CLEC12A: variants seen among roughly 807,000 people sequenced by gnomAD.
The protein encoded by CLEC12A is C-type lectin domain family 12 member A, also known as C-type lectin protein CLL-1.
Under a neutral mutation model 26.5 loss-of-function variants are expected in CLEC12A, and 22 were observed. The ratio of observed to expected loss-of-function variants is 0.83; its 90% CI spans 0.59 to 1.19. The LOEUF (loss-of-function observed/expected upper bound fraction) is 1.19. Among genes scored for constraint, CLEC12A ranks in the 50% most tolerant of loss-of-function variants. CLEC12A has a pLI of 0.00. For missense variants in CLEC12A, 353 were observed against 315.6 expected, an observed-to-expected ratio of 1.12 and a Z score of -0.90; for synonymous variants, 119 against 101.9, an observed-to-expected ratio of 1.17 and a Z score of -1.01.
the CLEC12A span, among the ~76,000 whole-genome samples, chr12:10,003,157 C>T: frequency 6.6e-6 from 1 of 152,190 alleles, no homozygotes. Flanking sequence ...TTGCCTTTGA[C>T]TTACCAGGCT....
chr12:9,959,280 A>G (rs139114678), intron 1 of CLEC12A, among the ~76,000 whole-genome samples: 1,925 of 151,738 alleles, frequency 0.013, 43 homozygotes, highest in African/African-American at 0.039. Context: ...ATGAAACCCC[A>G]TGTCTACTAA....
chr12:9,961,532 C>T (rs1863829062), intron 1 of CLEC12A, among the ~76,000 whole-genome samples: 1 of 151,980 alleles, frequency 6.6e-6, no homozygotes, highest in Non-Finnish European at 1.5e-5. Flanking sequence ...TGAAAGAAAC[C>T]TACAAAAAGA....
At chr12:9,997,584 G>T (rs1285046019), downstream of CLEC12A, among the ~76,000 whole-genome samples, 3 of 152,180 alleles carry the variant, frequency 2.0e-5, no homozygotes, top group Admixed American at 2.0e-4. Flanking sequence ...CTTCTCAGCT[G>T]AGTTATAGAG....
intron 1 of CLEC12A, among the ~76,000 whole-genome samples, chr12:9,959,875 C>T (rs1863802780): frequency 6.6e-6 from 1 of 152,170 alleles, no homozygotes; most frequent in Admixed American, 6.5e-5. Flanking sequence ...CCTGGACTCT[C>T]TGATGCTTGA....
At chr12:9,978,723 A>G (rs780495252) in intron 1 of CLEC12A, among the ~76,000 whole-genome samples, 1 of 152,146 alleles carries the variant, frequency 6.6e-6, no homozygotes, top group African/African-American at 2.4e-5. Flanking sequence ...AAATCAGTCT[A>G]CCAGTTAACA....
chr12:9,959,872 T>C (rs1565547255), intron 1 of CLEC12A, among the ~76,000 whole-genome samples: 1 of 152,208 alleles, frequency 6.6e-6, no homozygotes. Context: ...TTTCCTGGAC[T>C]CTCTGATGCT....
At chr12:9,951,527 G>T (rs1863609358) in intron 1 of CLEC12A, 4 of 610,546 alleles carry the variant, frequency 6.6e-6, no homozygotes, top group Non-Finnish European at 8.9e-6. Flanking sequence ...GTATGTGTCT[G>T]GATAAGTGAG....
Position 9,985,404 on chromosome 12 carries a change from G to C in CLEC12A, c.*378G>C. The C allele has an allele frequency of 2.5e-6, 1 of 401,026 alleles. No homozygotes were observed. The highest frequency in any genetic ancestry group is 4.4e-6 in the Non-Finnish European group (1 of 227,856). The allele number at this position is 401,026 out of a possible 1,614,324, so 24.8% of individuals were successfully genotyped here. On this transcript the variant is annotated 3_prime_UTR_variant, in exon 6 of 6. Coordinates refer to ENST00000304361, the MANE Select transcript of CLEC12A (RefSeq NM_138337.6). The stretch of plus-strand genomic sequence containing the variant: ...AATTTTGTCCCACAGCGTTGCTAGG[G>C]TGGCATGGCTCCCCATCTCGGGTCC...
chr12:9,990,974 T>A (rs1167587828), intron 4 of CLEC12A: 1 of 152,214 alleles, frequency 6.6e-6, no homozygotes, highest in Non-Finnish European at 1.5e-5. Flanking sequence ...CTATTTTTAA[T>A]AAAACTATGT....
At chr12:9,994,713 A>G (rs571265) in intron 4 of CLEC12A, among the ~76,000 whole-genome samples, 137 of 152,268 alleles carry the variant, frequency 9.0e-4, no homozygotes, top group African/African-American at 2.7e-3. Context: ...TGAAAACTCA[A>G]AAGGACTCTC....
At chr12:9,953,624 G>A (rs1360915776) in intron 1 of CLEC12A, among the ~76,000 whole-genome samples, 256 of 148,442 alleles carry the variant, frequency 1.7e-3, no homozygotes, top group African/African-American at 5.8e-3. Context: ...CGCCCCGTCC[G>A]GGAGGTGAGG....
Position 9,979,457 on chromosome 12 carries a change from G to A in CLEC12A, c.312G>A (p.Arg104=), listed in dbSNP as rs1864466082. Residue 104 remains arginine, a synonymous_variant, in exon 3 of 6, where the codon AGG becomes AGA. Transcript: ENST00000304361. ...MSNMNISNKI[R]NLSTTLQTIA... is the part of the protein sequence containing the mutation. ...ACATGAATATCTCCAACAAGATCAGGAACCTCTCCACCACACTGCAAACAA... is the reference window on the plus strand; with the variant it reads ...ACATGAATATCTCCAACAAGATCAGAAACCTCTCCACCACACTGCAAACAA... The A allele has an allele frequency of 8.7e-6, 14 of 1,613,224 alleles. No homozygotes were observed. The highest frequency in any genetic ancestry group is 1.2e-5 in the Non-Finnish European group (14 of 1,179,634).
chr12:9,986,414 T>TCCC (rs34237394), downstream of CLEC12A, among the ~76,000 whole-genome samples: 11 of 117,524 alleles, frequency 9.4e-5, no homozygotes, highest in Non-Finnish European at 1.7e-4. Context: ...AATTCCTTTA[T>TCCC]CCCCCCCCCC....
At chr12:9,978,915 A>C in intron 1 of CLEC12A, 51 bp from the exon 2 acceptor site, 1 of 1,285,100 alleles carries the variant, frequency 7.8e-7, no homozygotes, top group South Asian at 1.2e-5. Flanking sequence ...AAATAATCCA[A>C]ATGAAAGTTA....
chr12:9,998,965 T>C (rs1335106931), downstream of CLEC12A: 3 of 877,326 alleles, frequency 3.4e-6, no homozygotes, highest in African/African-American at 1.7e-5. Context: ...TTATCAATAG[T>C]AGAAAAAGAA....
chr12:9,951,517 G>A, intron 1 of CLEC12A: 1 of 640,718 alleles, frequency 1.6e-6, no homozygotes, highest in Non-Finnish European at 2.9e-6. Context: ...TAGTAATTGA[G>A]TATGTGTCTG....
At chr12:9,972,867 T>C (rs1472098952) in intron 1 of CLEC12A, among the ~76,000 whole-genome samples, 1 of 152,152 alleles carries the variant, frequency 6.6e-6, no homozygotes, top group African/African-American at 2.4e-5. Flanking sequence ...TTTCTTCTTT[T>C]ATACACTGAA....
chr12:9,969,211 A>G (rs1864044711), upstream of CLEC12A, among the ~76,000 whole-genome samples: 1 of 152,190 alleles, frequency 6.6e-6, no homozygotes, highest in Non-Finnish European at 1.5e-5. Flanking sequence ...ACAATAATTT[A>G]TTGTATATTT....
chr12:9,993,288 C>T (rs771615733), intron 4 of CLEC12A: 24 of 1,604,524 alleles, frequency 1.5e-5, no homozygotes, highest in Admixed American at 1.0e-4. Context: ...AAACTCAAAC[C>T]TGTGAAGGGA....
Sources: gnomAD v4.1 joint callset for allele counts (sites outside exome capture counted in the v4.1 genomes callset) on GRCh38, gnomAD v4.1.1 for gene constraint, MANE v1.5 for transcripts, NCBI Gene and HGNC (gene_info 2026-07-23, HGNC 2026-07-21) for gene names.